The following TJP1 variants were observed in gnomAD, a reference collection of about 807,000 sequenced individuals.
TJP1 encodes the protein tight junction protein 1, also known as tight junction protein ZO-1.
In TJP1, 43 loss-of-function variants were observed where a neutral mutation model predicts 194.2. That is an observed-to-expected ratio of 0.22 (90% CI 0.17 to 0.29). The LOEUF is 0.29. Among genes scored for constraint, TJP1 ranks in the 10% least tolerant of loss-of-function variants. The probability of loss-of-function intolerance (pLI) is 1.00; values close to 1 mark genes in which losing one functional copy is unlikely to be tolerated. For synonymous variants in TJP1, 801 were observed against 779.0 expected, an observed-to-expected ratio of 1.03 and a Z score of -0.47; for missense variants, 1,971 against 2,185.7, an observed-to-expected ratio of 0.90 and a Z score of 1.96.
intron 2 of TJP1, among the ~76,000 whole-genome samples, chr15:29,914,078 A>AC (rs1794744139): frequency 6.6e-6 from 1 of 152,206 alleles, no homozygotes; most frequent in Non-Finnish European, 1.5e-5. Flanking sequence ...GAATGAATGT[A>AC]ACATATAGTA....
intron 2 of TJP1, among the ~76,000 whole-genome samples, chr15:29,865,185 C>A (rs1303482692): frequency 6.6e-6 from 1 of 152,192 alleles, no homozygotes; most frequent in African/African-American, 2.4e-5. Flanking sequence ...GTTTTAGCTA[C>A]ACAAATCAAC....
intron 2 of TJP1, among the ~76,000 whole-genome samples, chr15:29,892,903 A>T (rs761255572): frequency 5.0e-4 from 76 of 152,342 alleles, no homozygotes; most frequent in Middle Eastern, 3.4e-3. Context: ...ATTAAGGAGT[A>T]ATTTCAATTT....
chr15:29,762,007 C>G (rs139714601), intron 6 of TJP1, among the ~76,000 whole-genome samples: 275 of 152,272 alleles, frequency 1.8e-3, no homozygotes, highest in African/African-American at 6.2e-3. Flanking sequence ...GAGGCTGTCA[C>G]TTTCTATTAC....
At chr15:29,936,359 C>G (rs2054882370) in intron 2 of TJP1, among the ~76,000 whole-genome samples, 2 of 152,178 alleles carry the variant, frequency 1.3e-5, no homozygotes, top group South Asian at 2.1e-4. Context: ...TCATCTAGCT[C>G]CTCTATGTTG....
chr15:29,902,769 C>T (rs897355896), intron 2 of TJP1, among the ~76,000 whole-genome samples: 2 of 152,176 alleles, frequency 1.3e-5, no homozygotes, highest in South Asian at 2.1e-4. Context: ...GACACGGTGG[C>T]TCATGCCTGT....
chr15:29,871,678 C>T (rs895819008), intron 2 of TJP1, among the ~76,000 whole-genome samples: 4 of 152,222 alleles, frequency 2.6e-5, no homozygotes, highest in Non-Finnish European at 5.9e-5. Flanking sequence ...GGGCATACAG[C>T]CCCACTGGGC....
chr15:29,963,811 G>A (rs913129438), intron 1 of TJP1, among the ~76,000 whole-genome samples: 2 of 152,090 alleles, frequency 1.3e-5, no homozygotes, highest in South Asian at 2.1e-4. Flanking sequence ...GCGCCATCAC[G>A]CCCAGCTAAT....
intron 18 of TJP1, 74 bp from the exon 19 acceptor site, chr15:29,720,782 G>T: frequency 1.8e-6 from 2 of 1,130,438 alleles, no homozygotes; most frequent in East Asian, 2.5e-5. Flanking sequence ...GTACAAGGCA[G>T]ATTGAAAAGG....
chr15:29,733,264 T>C lies in TJP1; in HGVS notation c.1566A>G (p.Arg522=), dbSNP rs1040497520. The change falls in exon 13 of 28, where the codon AGA becomes AGG. Residue 522 remains arginine (R), a synonymous_variant. Transcript: ENST00000614355. ...ESDVGDSFYI[R]THFEYEKESP... ...ATTCCTTTTCATATTCAAAATGGGT[T>C]CTAATATAGAAAGAATCTCCTACAT... is the stretch of plus-strand genomic sequence containing the variant. The C allele has an allele frequency of 2.5e-6, 4 of 1,613,810 alleles. No homozygotes were observed. Among genetic ancestry groups the C allele is most frequent in the Non-Finnish European group, 2.5e-6 (3 of 1,179,876 alleles).
chr15:29,741,273 A>C (rs1294243648), intron 10 of TJP1, 58 bp downstream of exon 10: 2 of 1,278,882 alleles, frequency 1.6e-6, no homozygotes, highest in Non-Finnish European at 2.2e-6. Context: ...TTAAATTCCT[A>C]CTCTGAATAA....
chr15:29,749,152 T>G (rs926221542), intron 8 of TJP1, among the ~76,000 whole-genome samples: 1 of 152,028 alleles, frequency 6.6e-6, no homozygotes, highest in Non-Finnish European at 1.5e-5. Flanking sequence ...TCTGTTGTTT[T>G]TTTTTTTTTG....
In TJP1 at chr15:29,748,973, C is replaced by T. The variant is rs1036144188; in HGVS notation, c.1011-6192G>A. On this transcript the variant is annotated intron_variant, in intron 8 of 27. Coordinates refer to ENST00000614355, the MANE Select transcript of TJP1 (RefSeq NM_001330239.4). ...GTGTGTGCGCGTGTGTGCGCGCGCG[C>T]GTTTGCTATTATGAGGAAAGCTTTC... Among the ~76,000 whole-genome samples, 28 of 139,372 alleles carry T rather than the reference C, an allele frequency of 2.0e-4. 1 individual carries two copies. The highest frequency in any genetic ancestry group is 7.6e-4 in the African/African-American group (28 of 37,084). The allele number at this position is 139,372 out of a possible 152,430, so 91.4% of individuals were successfully genotyped here.
At chr15:29,765,900 AAACAAC>A (rs140295014) in intron 5 of TJP1, among the ~76,000 whole-genome samples, 10 of 152,046 alleles carry the variant, frequency 6.6e-5, no homozygotes, top group South Asian at 6.2e-4. Flanking sequence ...ACAACAACAA[AAACAAC>A]AACAACAACA....
chr15:29,877,610 CCCT>C (rs904401510), intron 2 of TJP1, among the ~76,000 whole-genome samples: 7 of 150,598 alleles, frequency 4.6e-5, no homozygotes, highest in East Asian at 1.9e-4. Flanking sequence ...TTCCTTCCTT[CCCT>C]CCTCCTCCTC....
At chr15:29,805,735 CT>C (rs1381069810) in intron 1 of TJP1, among the ~76,000 whole-genome samples, 1 of 152,128 alleles carries the variant, frequency 6.6e-6, no homozygotes, top group Non-Finnish European at 1.5e-5. Flanking sequence ...AAATAAATAA[CT>C]TTTGCACCAC....
intron 2 of TJP1, among the ~76,000 whole-genome samples, chr15:29,918,269 C>T (rs542051745): frequency 6.4e-4 from 97 of 152,246 alleles, no homozygotes; most frequent in African/African-American, 2.2e-3. Flanking sequence ...TTGGCTATTG[C>T]GAATATCGCC....
intron 2 of TJP1, among the ~76,000 whole-genome samples, chr15:29,834,679 A>G (rs1196067294): frequency 6.6e-6 from 1 of 152,232 alleles, no homozygotes; most frequent in Non-Finnish European, 1.5e-5. Context: ...AGTAAAAGCT[A>G]AGAAAAATTG....
At position 29,821,983 on chromosome 15, in the gene TJP1, C is replaced by A. The variant is rs770108516; in HGVS notation, c.27+19G>T. ...GACGGTCGGCCCGGTCTGGCCCTGG[C>A]GGCCGCGGAGGCGCTCACCTTGGCG... On this transcript the variant is annotated intron_variant, in intron 1 of 27. Coordinates refer to ENST00000614355, the MANE Select transcript of TJP1 (RefSeq NM_001330239.4). The A allele has an allele frequency of 6.1e-6, 8 of 1,301,632 alleles. No individual in the cohort carries two copies. The African/African-American group carries it at 7.6e-5, about 12-fold the overall frequency. The allele number at this position is 1,301,632 out of a possible 1,614,324, so 80.6% of individuals were successfully genotyped here.
At chr15:29,839,180 A>C (rs1169079123) in intron 2 of TJP1, among the ~76,000 whole-genome samples, 1 of 151,246 alleles carries the variant, frequency 6.6e-6, no homozygotes, top group Middle Eastern at 3.2e-3. Flanking sequence ...TTGTATTTTT[A>C]CTAGAGACGA....
Sources: allele counts gnomAD v4.1 joint callset (sites outside exome capture counted in the v4.1 genomes callset), GRCh38; gene constraint gnomAD v4.1.1; transcripts MANE v1.5; gene names NCBI Gene and HGNC (gene_info 2026-07-23, HGNC 2026-07-21).